Variants in SCN4A observed in about 807,000 individuals in gnomAD.
SCN4A encodes sodium voltage-gated channel alpha subunit 4, also known as sodium channel protein type 4 subunit alpha.
Under a neutral mutation model 162.0 loss-of-function variants are expected in SCN4A, and 83 were observed. The ratio of observed to expected loss-of-function variants is 0.51; its 90% CI spans 0.43 to 0.61. SCN4A has a LOEUF of 0.61. SCN4A is among the 20% of genes least tolerant of loss of function. SCN4A has a pLI of 0.00. For synonymous variants in SCN4A, 944 were observed against 985.1 expected (o/e 0.96, Z 0.78); for missense variants, 2,196 against 2,462.5 (o/e 0.89, Z 2.29).
At position 63,950,033 on chromosome 17, in the gene SCN4A, C is replaced by A. The variant is rs80310839; in HGVS notation, c.2854-505G>T. Among the ~76,000 whole-genome samples, 8 of 152,230 alleles carry A rather than the reference C, an allele frequency of 5.3e-5. No individual in the cohort carries two copies. The East Asian group carries it at 1.4e-3, about 26-fold the overall frequency. On this transcript the variant is annotated intron_variant, in intron 14 of 23. Transcript: ENST00000435607. This position sits in a 1 kb window ranked among gnomAD's most constrained non-coding sequence, Gnocchi z 4.6. ...GGTGGAAAATGTTCCCCAGCCAAAG[C>A]CTCCATCCAGTGCCAAGGGAACCTG...
Position 63,945,212 on chromosome 17 carries a change from C to A in SCN4A, c.3720+148G>T, listed in dbSNP as rs1908673760. The stretch of plus-strand genomic sequence containing the variant: ...AGCATCAAATAAAGACCAGAGAGGT[C>A]TAGACACTGCCTGGGGATCCCACAG... On this transcript the variant is annotated intron_variant, in intron 19 of 23. Coordinates refer to ENST00000435607, the MANE Select transcript of SCN4A (RefSeq NM_000334.4). The surrounding 1 kb of genome is among the most constrained non-coding windows in gnomAD (Gnocchi z 4.4). 1.0e-6 allele frequency: 1 copy of A among 1,003,816 alleles called. No homozygotes were observed. Among genetic ancestry groups the A allele is most frequent in the African/African-American group, 1.6e-5 (1 of 62,538 alleles). 62.2% of individuals were successfully genotyped at this position (1,003,816 alleles called of 1,614,324 possible).
rs900414151 is a variant in SCN4A at position 63,939,853 on chromosome 17, T to C, written c.*918A>G. 1 of 152,056 alleles carries C rather than the reference T, an allele frequency of 6.6e-6. No individual in the cohort carries two copies. Among genetic ancestry groups the C allele is most frequent in the Non-Finnish European group, 1.5e-5 (1 of 68,062 alleles). 9.4% of individuals were successfully genotyped at this position (152,056 alleles called of 1,614,324 possible). ...GATGAGGCTCCTGGAGCCCTGGTGG[T>C]GCTCACGGAGGAGTGAGGCAGGGAG... On this transcript the variant is annotated 3_prime_UTR_variant, in exon 24 of 24. Coordinates refer to ENST00000435607, the MANE Select transcript of SCN4A (RefSeq NM_000334.4).
At chr17:63,947,771 G>A (rs898314864) in intron 17 of SCN4A, 119 bp downstream of exon 17, 16 of 937,804 alleles carry the variant, frequency 1.7e-5, no homozygotes, top group Non-Finnish European at 2.5e-5. Context: ...ACTGATTGAG[G>A]GTCTGACTCT....
At position 63,960,674 on chromosome 17, in the gene SCN4A, G is replaced by A. The variant is rs111782715; in HGVS notation, c.1845+519C>T. Among the ~76,000 whole-genome samples the A allele has an allele frequency of 7.1e-3, 1,085 of 152,262 alleles. 20 individuals carry two copies. The highest frequency in any genetic ancestry group is 0.025 in the African/African-American group (1,044 of 41,542). On this transcript the variant is annotated intron_variant, in intron 11 of 23. Coordinates refer to ENST00000435607, the MANE Select transcript of SCN4A (RefSeq NM_000334.4). ...GATCAGTGGTGTCAACAATAGTGGAGCAGGAAAGGGCTGGAGAGAGGAGAA... is the reference window on the plus strand; with the variant it reads ...GATCAGTGGTGTCAACAATAGTGGAACAGGAAAGGGCTGGAGAGAGGAGAA...
In SCN4A at chr17:63,941,154, G is replaced by A. The variant is rs762735966; in HGVS notation, c.5128C>T (p.Pro1710Ser). The A allele has an allele frequency of 1.1e-5, 17 of 1,613,888 alleles. No homozygotes were observed. The Admixed American group carries it at 2.8e-4, about 27-fold the overall frequency. Reference protein sequence around the residue: ...TMEEKFMAANPSKVSYEPITT... With the variant: ...TMEEKFMAANSSKVSYEPITT... ...ATGGGCTCGTAGGACACCTTGGAGG[G>A]GTTGGCTGCCATGAACTTCTCCTCC... The change falls in exon 24 of 24, where the codon CCC becomes TCC. Residue 1710 changes from proline (P) to serine (S), a missense_variant. By Grantham distance (74) the Pro-to-Ser change is moderately conservative. Transcript: ENST00000435607. The surrounding 1 kb of genome is among the most constrained non-coding windows in gnomAD (Gnocchi z 6.2).
rs1279438829 is a variant in SCN4A at position 63,943,870 on chromosome 17, G to A, written c.3913-20C>T. The A allele has an allele frequency of 2.0e-6, 3 of 1,529,036 alleles. No individual in the cohort carries two copies. Among genetic ancestry groups the A allele is most frequent in the Admixed American group, 1.7e-5 (1 of 59,768 alleles). 94.7% of individuals were successfully genotyped at this position (1,529,036 alleles called of 1,614,324 possible). A position where few individuals can be genotyped will look rare whatever the true frequency, so the allele number is the denominator to read the frequency against. On this transcript the variant is annotated intron_variant, in intron 21 of 23. Transcript: ENST00000435607. Reference sequence around the variant, plus strand: ...CCCTAAGTATAGTGGGATAGGGCTTGTCAGGTTGAGGTGCAGTTCCCCTTC... The same window carrying A: ...CCCTAAGTATAGTGGGATAGGGCTTATCAGGTTGAGGTGCAGTTCCCCTTC...
chr17:63,959,170 C>T (rs1909165099), intron 12 of SCN4A, 95 bp downstream of exon 12: 1 of 1,165,308 alleles, frequency 8.6e-7, no homozygotes, highest in Admixed American at 2.3e-5. Context: ...AGCCCTCTAG[C>T]TTCCTGGGGT....
Position 63,949,432 on chromosome 17 carries a change from T to A in SCN4A, c.2950A>T (p.Asn984Tyr). 6.2e-7 allele frequency: 1 copy of A among 1,601,874 alleles called. No individual in the cohort carries two copies. The highest frequency in any genetic ancestry group is 1.1e-5 in the South Asian group (1 of 89,116). ...TCCTCAGGCTGCTCCCCCTCGGGGT[T>A]CTCCTCTGCCTGCTCCTCAGGGTCC... Reference protein sequence around the residue: ...EEDPEEQAEENPEGEQPEECF... With the variant: ...EEDPEEQAEEYPEGEQPEECF... Residue 984 changes from asparagine (N) to tyrosine (Y), a missense_variant, in exon 15 of 24, where the codon AAC (asparagine) becomes TAC (tyrosine). Transcript: ENST00000435607.
Position 63,972,036 on chromosome 17 carries a change from G to T in SCN4A, c.482+100C>A, listed in dbSNP as rs1909626576. The T allele has an allele frequency of 8.2e-6, 9 of 1,091,132 alleles. No individual in the cohort carries two copies. In the East Asian group the frequency reaches 1.8e-4, roughly 22 times the overall value. The allele number at this position is 1,091,132 out of a possible 1,614,324, so 67.6% of individuals were successfully genotyped here. A position where few individuals can be genotyped will look rare whatever the true frequency, so the allele number is the denominator to read the frequency against. Reference sequence around the variant, plus strand: ...TGTGGATGAGGGTCACAATGACAGTGTGTCTCCCTGAAAGACAAGAGCAGC... The same window carrying T: ...TGTGGATGAGGGTCACAATGACAGTTTGTCTCCCTGAAAGACAAGAGCAGC... On this transcript the variant is annotated intron_variant, in intron 3 of 23. Transcript: ENST00000435607. This position sits in a 1 kb window ranked among gnomAD's most constrained non-coding sequence, Gnocchi z 4.3.
At chr17:63,967,009 T>C (rs1909470051) in intron 6 of SCN4A, among the ~76,000 whole-genome samples, 1 of 152,054 alleles carries the variant, frequency 6.6e-6, no homozygotes, top group South Asian at 2.1e-4. Context: ...GATGCATATG[T>C]GAATAGGATG....
At position 63,972,203 on chromosome 17, in the gene SCN4A, T is replaced by A. The variant is rs1433506611; in HGVS notation, c.415A>T (p.Ile139Phe). 1.2e-6 allele frequency: 2 copies of A among 1,613,464 alleles called. No homozygotes were observed. The highest frequency in any genetic ancestry group is 1.7e-6 in the Non-Finnish European group (2 of 1,179,742). Residue 139 changes from isoleucine (I) to phenylalanine (F), a missense_variant, in exon 3 of 24, where the codon ATC becomes TTC. Transcript: ENST00000435607. The surrounding 1 kb of genome is among the most constrained non-coding windows in gnomAD (Gnocchi z 4.3). ...AATACGCAGTTGGTCAAGATGGTGA[T>A]CATGATGAACATGCTGAACAGCGTG... The part of the protein sequence containing the change: ...IHALFSMFIM[I>F]TILTNCVFMT...
intron 23 of SCN4A, 147 bp downstream of exon 23, chr17:63,942,679 G>T: frequency 1.2e-6 from 1 of 807,498 alleles, no homozygotes; most frequent in Non-Finnish European, 2.0e-6. Context: ...ATGTGCCTTT[G>T]TGCATTGAGA....
At chr17:63,966,389 C>A (rs925830526) in intron 7 of SCN4A, 92 bp downstream of exon 7, 2 of 1,416,400 alleles carry the variant, frequency 1.4e-6, no homozygotes, top group Non-Finnish European at 2.0e-6. Flanking sequence ...GGTTTCCCTG[C>A]ACTCCCATGC....
rs1338073889 is a variant in SCN4A at position 63,950,111 on chromosome 17, T to C, written c.2854-583A>G. On this transcript the variant is annotated intron_variant, in intron 14 of 23. Coordinates refer to ENST00000435607, the MANE Select transcript of SCN4A (RefSeq NM_000334.4). This position sits in a 1 kb window ranked among gnomAD's most constrained non-coding sequence, Gnocchi z 4.6. ...GGCGGGTGCTCCAGCCGGGCCAGGC[T>C]TCCTCCCACCTCCTCCTGCTGGGCC... Among the ~76,000 whole-genome samples the C allele has an allele frequency of 6.6e-6, 1 of 152,074 alleles. No homozygotes were observed. The highest frequency in any genetic ancestry group is 6.5e-5 in the Admixed American group (1 of 15,278).
chr17:63,947,002 T>TCCCCCAAACCCCCCCCCC, intron 18 of SCN4A, 43 bp downstream of exon 18: 2 of 1,449,424 alleles, frequency 1.4e-6, no homozygotes, highest in Non-Finnish European at 1.9e-6. Context: ...AGGTGGCCGG[T>TCCCCCAAACCCCCCCCCC]CCCCCATCCC....
rs1909370825 is a variant in SCN4A at position 63,964,488 on chromosome 17, G to A, written c.1432C>T (p.His478Tyr). The change falls in exon 9 of 24, where the codon CAC (histidine) becomes TAC (tyrosine). Residue 478 changes from histidine (H) to tyrosine (Y), a missense_variant. By Grantham distance (83) the His-to-Tyr change is moderately conservative (BLOSUM62 2). Transcript: ENST00000435607. ...FQQMLEKFKK[H>Y]QEELEKAKAA... Reference sequence around the variant, plus strand: ...CAGACCTTCTCCAGCTCCTCCTGGTGCTTTTTGAACTTCTCAAGCATCTGC... The same window carrying A: ...CAGACCTTCTCCAGCTCCTCCTGGTACTTTTTGAACTTCTCAAGCATCTGC... 1 of 1,613,994 alleles carries A rather than the reference G, an allele frequency of 6.2e-7. No individual in the cohort carries two copies. Among genetic ancestry groups the A allele is most frequent in the Non-Finnish European group, 8.5e-7 (1 of 1,179,876 alleles).
At chr17:63,963,130 G>A (rs1439564127) in intron 10 of SCN4A, among the ~76,000 whole-genome samples, 1 of 152,010 alleles carries the variant, frequency 6.6e-6, no homozygotes, top group Non-Finnish European at 1.5e-5. Flanking sequence ...CCATCCATCT[G>A]TCGTGTCGTG....
At chr17:63,968,896 G>A (rs1909535868) in intron 5 of SCN4A, among the ~76,000 whole-genome samples, 1 of 152,234 alleles carries the variant, frequency 6.6e-6, no homozygotes, top group Non-Finnish European at 1.5e-5. Flanking sequence ...CTGGAATGCA[G>A]TGGCGTGATC....
intron 16 of SCN4A, 146 bp downstream of exon 16, chr17:63,948,465 G>A (rs780109770): frequency 1.9e-5 from 13 of 669,338 alleles, no homozygotes; most frequent in East Asian, 5.5e-5. Flanking sequence ...AACCTATCCC[G>A]GAGGCACAGC....
Sources: allele counts gnomAD v4.1 joint callset (sites outside exome capture counted in the v4.1 genomes callset), GRCh38; gene constraint gnomAD v4.1.1; non-coding constraint Gnocchi (gnomAD v3.1); transcripts MANE v1.5; gene names NCBI Gene and HGNC (gene_info 2026-07-23, HGNC 2026-07-21).